The following STK32B variants were observed in gnomAD, a reference collection of about 807,000 sequenced individuals.
The protein encoded by STK32B is serine/threonine-protein kinase 32B.
STK32B carries 43 observed loss-of-function variants against 52.6 expected under a neutral mutation model. The observed-to-expected ratio is 0.82, with a 90% CI of 0.64 to 1.05. The LOEUF (loss-of-function observed/expected upper bound fraction) is 1.05, where lower values mean the gene tolerates loss of function less well. Among genes scored for constraint, STK32B ranks in the 50% least tolerant of loss-of-function variants. The pLI is 0.00. For missense variants in STK32B, 621 were observed against 534.6 expected, an observed-to-expected ratio of 1.16 and a Z score of -1.59; for synonymous variants, 238 against 204.3, an observed-to-expected ratio of 1.17 and a Z score of -1.41.
rs1560350472 is a variant in STK32B, at chr4:5,359,385, C to CAACCACTCA, written c.434+27992_434+27993insAACCACTCA. On this transcript the variant is annotated intron_variant, in intron 4 of 11. Coordinates refer to ENST00000282908, the MANE Select transcript of STK32B (RefSeq NM_018401.3). ...CATCCAACCACTCATCCAACCCTCC[C>CAACCACTCA]TCCCTCCCTCCCTCCCTCCCTCCCT... Among the ~76,000 whole-genome samples the CAACCACTCA allele has an allele frequency of 6.4e-3, 944 of 148,608 alleles. 10 individuals are homozygous for CAACCACTCA. Among genetic ancestry groups the CAACCACTCA allele is most frequent in the African/African-American group, 0.022 (891 of 40,264 alleles).
At chr4:5,245,531 G>T (rs1020899040) in intron 3 of STK32B, among the ~76,000 whole-genome samples, 8 of 152,116 alleles carry the variant, frequency 5.3e-5, no homozygotes, top group African/African-American at 1.9e-4. Context: ...TATCCAATTT[G>T]CCAGTCTGTG....
intron 11 of STK32B, among the ~76,000 whole-genome samples, chr4:5,472,264 G>A (rs1027766243): frequency 8.5e-5 from 13 of 152,234 alleles, no homozygotes; most frequent in African/African-American, 2.7e-4. Context: ...CAAACAGTGC[G>A]GTGTGTGCCG....
chr4:5,093,132 G>A (rs576053464), intron 1 of STK32B, among the ~76,000 whole-genome samples: 14 of 151,946 alleles, frequency 9.2e-5, no homozygotes, highest in African/African-American at 1.7e-4. Context: ...AACTTGTGTG[G>A]CCTAAAAATA....
At chr4:5,034,230 T>C in the STK32B span, among the ~76,000 whole-genome samples, 1 of 152,228 alleles carries the variant, frequency 6.6e-6, no homozygotes, top group Non-Finnish European at 1.5e-5. Flanking sequence ...ACTGCGTCTC[T>C]TGCAACTACA....
chr4:5,252,739 C>T (rs983932329), intron 3 of STK32B, among the ~76,000 whole-genome samples: 1 of 152,170 alleles, frequency 6.6e-6, no homozygotes, highest in Non-Finnish European at 1.5e-5. Flanking sequence ...TTCTAACCTG[C>T]GTGGTCTTAG....
rs376467492 is a variant in STK32B, at chr4:5,219,121, C to T, written c.260+50671C>T. ...GAATGCTGCGTCTTTTTTCTGATGT[C>T]ACTTAGCTTCTCCAAGGTGGAGTCT... is the stretch of plus-strand genomic sequence containing the variant. On this transcript the variant is annotated intron_variant, in intron 3 of 11. Transcript: ENST00000282908. Among the ~76,000 whole-genome samples the T allele has an allele frequency of 2.6e-5, 4 of 152,342 alleles. No individual in the cohort carries two copies. In the East Asian group the frequency reaches 5.8e-4, roughly 22 times the overall value.
chr4:5,316,605 A>T (rs1730809090), intron 3 of STK32B, among the ~76,000 whole-genome samples: 2 of 28,810 alleles, frequency 6.9e-5, no homozygotes, highest in Non-Finnish European at 9.4e-5. Context: ...TACATATATA[A>T]TATATATTAT....
At chr4:5,164,790 TCTCTGTGA>T (rs1209347497) in intron 2 of STK32B, among the ~76,000 whole-genome samples, 1 of 152,124 alleles carries the variant, frequency 6.6e-6, no homozygotes, top group Non-Finnish European at 1.5e-5. Flanking sequence ...GAGCTCAAAC[TCTCTGTGA>T]CTCTGTGACT....
At chr4:5,466,918 A>C (rs1717485225) in intron 10 of STK32B, 84 bp downstream of exon 10, 1 of 1,495,174 alleles carries the variant, frequency 6.7e-7, no homozygotes, top group African/African-American at 1.4e-5. Flanking sequence ...TTTAGCAAAA[A>C]GGGGACATTT....
intron 3 of STK32B, among the ~76,000 whole-genome samples, chr4:5,193,628 C>T (rs1057049904): frequency 7.9e-5 from 12 of 152,226 alleles, no homozygotes; most frequent in African/African-American, 2.4e-5. Flanking sequence ...ATGTCCTGGC[C>T]CCTGCTCTTG....
intron 1 of STK32B, among the ~76,000 whole-genome samples, chr4:5,059,565 A>G (rs752436989): frequency 2.3e-4 from 35 of 152,220 alleles, no homozygotes; most frequent in Admixed American, 1.7e-3. Context: ...ACACCACTTC[A>G]TCATGATGTG....
intron 1 of STK32B, among the ~76,000 whole-genome samples, chr4:5,114,322 C>T (rs6840054): frequency 0.96 from 146,163 of 151,892 alleles, 70,564 homozygotes; most frequent in East Asian, 1. Flanking sequence ...CAGTTTAAAG[C>T]TCACTTCTTC....
At position 5,457,386 on chromosome 4, in the gene STK32B, T is replaced by C. The variant is rs527987473; in HGVS notation, c.783+463T>C. Among the ~76,000 whole-genome samples, 24 of 151,314 alleles carry C rather than the reference T, an allele frequency of 1.6e-4. No homozygotes were observed. In the East Asian group the frequency reaches 4.4e-3, roughly 28 times the overall value. On this transcript the variant is annotated intron_variant, in intron 8 of 11. Transcript: ENST00000282908. ...ACCCGCCAACACGCCCGGCTAATTT[T>C]TTGTATTTTTAGTAGAGACGGGGTT...
intron 3 of STK32B, among the ~76,000 whole-genome samples, chr4:5,322,508 A>G (rs989095975): frequency 1.3e-5 from 2 of 152,146 alleles, no homozygotes; most frequent in African/African-American, 4.8e-5. Flanking sequence ...TGTTGTAGAC[A>G]TGTGGTTTGT....
At chr4:5,259,349 C>G (rs1451538378) in intron 3 of STK32B, among the ~76,000 whole-genome samples, 1 of 152,184 alleles carries the variant, frequency 6.6e-6, no homozygotes, top group African/African-American at 2.4e-5. Context: ...TCAGAAAGTT[C>G]ATGTCACTTG....
intron 1 of STK32B, among the ~76,000 whole-genome samples, chr4:5,120,214 A>G (rs776207346): frequency 2.0e-5 from 3 of 152,182 alleles, no homozygotes; most frequent in Non-Finnish European, 4.4e-5. Flanking sequence ...GGCCATCGAC[A>G]TCGTCATGGC....
intron 3 of STK32B, among the ~76,000 whole-genome samples, chr4:5,222,540 T>C (rs1422577406): frequency 2.6e-5 from 4 of 151,802 alleles, no homozygotes; most frequent in African/African-American, 7.3e-5. Context: ...TATTGAAAAC[T>C]GAAGGAAAGA....
chr4:5,036,484 C>T, the STK32B span, among the ~76,000 whole-genome samples: 1 of 152,088 alleles, frequency 6.6e-6, no homozygotes, highest in African/African-American at 2.4e-5. Context: ...GCTGCCGTTT[C>T]TTGCTGAGTC....
At chr4:5,092,177 T>C (rs1329625351) in intron 1 of STK32B, among the ~76,000 whole-genome samples, 1 of 152,220 alleles carries the variant, frequency 6.6e-6, no homozygotes, top group African/African-American at 2.4e-5. Context: ...ATTGTTATGC[T>C]CAAGTTCAAT....
Sources: gnomAD v4.1 joint callset for allele counts (sites outside exome capture counted in the v4.1 genomes callset) on GRCh38, gnomAD v4.1.1 for gene constraint, MANE v1.5 for transcripts, NCBI Gene and HGNC (gene_info 2026-07-23, HGNC 2026-07-21) for gene names.